The following HERC4 variants were observed in gnomAD, a reference collection of about 807,000 sequenced individuals.
HERC4 encodes HECT and RLD domain containing E3 ubiquitin protein ligase 4.
In HERC4, 28 loss-of-function variants were observed where a neutral mutation model predicts 124.3. The ratio of observed to expected loss-of-function variants is 0.23; its 90% CI spans 0.17 to 0.31. The LOEUF (loss-of-function observed/expected upper bound fraction) is 0.31. HERC4 is among the 10% of genes least tolerant of loss of function. The probability of loss-of-function intolerance (pLI) is 1.00; values close to 1 mark genes in which losing one functional copy is unlikely to be tolerated. For missense variants in HERC4, 713 were observed against 1,229.3 expected (o/e 0.58, Z 6.28); for synonymous variants, 407 against 421.5 (o/e 0.97, Z 0.42).
intron 17 of HERC4, 161 bp from the exon 18 acceptor site, chr10:67,955,291 A>C: frequency 1.7e-6 from 1 of 583,006 alleles, no homozygotes; most frequent in Non-Finnish European, 2.9e-6. Context: ...AAAACTTAAT[A>C]AACTGAGCAT....
At chr10:68,073,734 C>T (rs1159935549) in intron 1 of HERC4, 48 bp from the exon 2 acceptor site, 1 of 148,580 alleles carries the variant, frequency 6.7e-6, no homozygotes, top group African/African-American at 2.5e-5. Flanking sequence ...CAATTTTCCA[C>T]AATTTAAACG....
rs1180721533 is a variant in HERC4, at chr10:67,925,176, G to A, written c.2850C>T (p.Tyr950=). The A allele has an allele frequency of 2.6e-6, 4 of 1,562,538 alleles. No individual in the cohort carries two copies. The Admixed American group carries it at 6.7e-5, about 26-fold the overall frequency. The change falls in exon 24 of 25, where the codon TAC becomes TAT. Residue 950 remains tyrosine (Y), a synonymous_variant. Transcript: ENST00000373700. ...DWKELEKNTE[Y]KGEYWAEHPT... ...GATGTTCTGCCCAATATTCCCCTTT[G>A]TATTCTGTATTCTAAAAACAACATA...
chr10:68,041,036 A>C (rs1364409106), intron 4 of HERC4, among the ~76,000 whole-genome samples: 1 of 152,196 alleles, frequency 6.6e-6, no homozygotes, highest in Non-Finnish European at 1.5e-5. Context: ...TCAATTATGG[A>C]ATATGTATAC....
rs1172044822 is a variant in HERC4 at position 68,059,684 on chromosome 10, A to ATTATATATTATAATATTATATATC, written c.226+13198_226+13199insGATATATAATATTATAATATATAA. 9.5e-5 allele frequency among the ~76,000 whole-genome samples: 5 copies of ATTATATATTATAATATTATATATC among 52,556 alleles called. 1 individual carries two copies. Among genetic ancestry groups the ATTATATATTATAATATTATATATC allele is most frequent in the African/African-American group, 4.1e-4 (2 of 4,888 alleles). The allele number at this position is 52,556 out of a possible 152,430, so 34.5% of individuals were successfully genotyped here. A position where few individuals can be genotyped will look rare whatever the true frequency, so the allele number is the denominator to read the frequency against. On this transcript the variant is annotated intron_variant, in intron 3 of 24. Transcript: ENST00000373700. ...TATTATATATTATATTATATATCATAATATTATATATTATAATATTATATA... is the reference window on the plus strand; with the variant it reads ...TATTATATATTATATTATATATCATATTATATATTATAATATTATATATCATATTATATATTATAATATTATATA...
chr10:68,036,496 A>G (rs2039477976), intron 5 of HERC4, among the ~76,000 whole-genome samples: 1 of 152,086 alleles, frequency 6.6e-6, no homozygotes, highest in South Asian at 2.1e-4. Flanking sequence ...AACAACAAAG[A>G]ATACACAGAG....
chr10:68,043,285 A>AT (rs2039859992), intron 4 of HERC4, among the ~76,000 whole-genome samples: 1 of 152,218 alleles, frequency 6.6e-6, no homozygotes, highest in Admixed American at 6.5e-5. Context: ...AAGATCTAAC[A>AT]TGCAAATCTC....
chr10:67,998,233 A>G (rs1345786284), intron 9 of HERC4, among the ~76,000 whole-genome samples: 1 of 151,834 alleles, frequency 6.6e-6, no homozygotes, highest in African/African-American at 2.4e-5. Context: ...AAAGTTCTCA[A>G]TAAATAATAA....
chr10:68,037,200 T>C (rs2039524811), intron 5 of HERC4, among the ~76,000 whole-genome samples: 1 of 151,550 alleles, frequency 6.6e-6, no homozygotes, highest in Non-Finnish European at 1.5e-5. Flanking sequence ...GTTCAAGCGA[T>C]TCTCCTGCCT....
chr10:67,973,782 G>A (rs960672292), intron 15 of HERC4, among the ~76,000 whole-genome samples: 39 of 152,056 alleles, frequency 2.6e-4, no homozygotes, highest in Admixed American at 2.0e-3. Context: ...GGTTGGGCAC[G>A]GTGGCTCATG....
At chr10:67,941,241 C>T (rs780350625) in intron 19 of HERC4, 136 bp from the exon 20 acceptor site, 7 of 556,684 alleles carry the variant, frequency 1.3e-5, no homozygotes, top group Middle Eastern at 4.7e-4. Flanking sequence ...ATCCTCATTA[C>T]TGTCTCCCTG....
chr10:68,036,850 A>T (rs995574559), intron 5 of HERC4, among the ~76,000 whole-genome samples: 2 of 152,170 alleles, frequency 1.3e-5, no homozygotes, highest in African/African-American at 2.4e-5. Context: ...TCAATTAGAA[A>T]CAATTATATC....
In HERC4 at chr10:67,954,994, G is replaced by C. The variant is rs1457656173; in HGVS notation, c.2162C>G (p.Thr721Arg). 6.2e-7 allele frequency: 1 copy of C among 1,602,664 alleles called. No individual in the cohort carries two copies. Among genetic ancestry groups the C allele is most frequent in the Non-Finnish European group, 8.5e-7 (1 of 1,176,080 alleles). The part of the protein sequence containing the change: ...VGDAMEVLRK[T>R]KNIDYKKPLK... ...TGGCTTCTTGTAATCTATGTTCTTT[G>C]TTTTCCTAAGGACTTCCATTGCATC... The change falls in exon 18 of 25, where the codon ACA (threonine) becomes AGA (arginine). Residue 721 changes from threonine (T) to arginine (R), a missense_variant. By Grantham distance (71) the Thr-to-Arg change is moderately conservative. Transcript: ENST00000373700.
At chr10:68,004,091 T>C (rs1469855692) in intron 9 of HERC4, among the ~76,000 whole-genome samples, 1 of 152,228 alleles carries the variant, frequency 6.6e-6, no homozygotes, top group Non-Finnish European at 1.5e-5. Flanking sequence ...TGCATTTCTC[T>C]GATGATGTTG....
At chr10:68,033,256 C>G (rs2039301846) in intron 6 of HERC4, among the ~76,000 whole-genome samples, 2 of 152,056 alleles carry the variant, frequency 1.3e-5, no homozygotes, top group Admixed American at 1.3e-4. Flanking sequence ...TGTTTTGTAG[C>G]AGAAAAGATA....
intron 3 of HERC4, among the ~76,000 whole-genome samples, chr10:68,056,015 T>C (rs1432259973): frequency 6.6e-6 from 1 of 152,176 alleles, no homozygotes; most frequent in Non-Finnish European, 1.5e-5. Flanking sequence ...CCCAAAGTGC[T>C]GGGATTACAA....
intron 3 of HERC4, among the ~76,000 whole-genome samples, chr10:68,055,598 T>C (rs562243582): frequency 6.6e-6 from 1 of 152,330 alleles, no homozygotes; most frequent in Admixed American, 6.5e-5. Flanking sequence ...ATGAGGAAGT[T>C]ATCCTTAAGC....
At chr10:67,944,634 A>C (rs1258929576) in intron 19 of HERC4, among the ~76,000 whole-genome samples, 1 of 152,234 alleles carries the variant, frequency 6.6e-6, no homozygotes, top group African/African-American at 2.4e-5. Flanking sequence ...CCAATCATGG[A>C]GAGACTGAGA....
At chr10:67,996,116 G>A (rs1305849345) in intron 9 of HERC4, 1 of 448,496 alleles carries the variant, frequency 2.2e-6, no homozygotes, top group Non-Finnish European at 4.5e-6. Flanking sequence ...GACCAGCCTG[G>A]ACAACATGGC....
At chr10:67,959,359 T>C (rs1204856938) in intron 16 of HERC4, among the ~76,000 whole-genome samples, 1 of 152,122 alleles carries the variant, frequency 6.6e-6, no homozygotes, top group Non-Finnish European at 1.5e-5. Flanking sequence ...GATCATAAAA[T>C]GATTGAGGCT....
Sources: allele counts gnomAD v4.1 joint callset (sites outside exome capture counted in the v4.1 genomes callset), GRCh38; gene constraint gnomAD v4.1.1; transcripts MANE v1.5; gene names NCBI Gene and HGNC (gene_info 2026-07-23, HGNC 2026-07-21).